Variants in CDH12 observed in about 807,000 individuals in gnomAD.
CDH12 encodes cadherin-12.
In CDH12, 41 loss-of-function variants were observed where a neutral mutation model predicts 74.1. The observed-to-expected ratio is 0.55, with a 90% confidence interval of 0.43 to 0.72. CDH12 has a LOEUF of 0.72. Among genes scored for constraint, CDH12 ranks in the 30% least tolerant of loss-of-function variants. The pLI is 0.00. For synonymous variants in CDH12, 399 were observed against 355.0 expected (o/e 1.12, Z -1.39); for missense variants, 945 against 977.2 (o/e 0.97, Z 0.44).
chr5:21,816,459 TA>T (rs1187881180), intron 9 of CDH12, among the ~76,000 whole-genome samples: 2 of 150,866 alleles, frequency 1.3e-5, no homozygotes, highest in African/African-American at 2.4e-5. Flanking sequence ...ATCCCTTCTC[TA>T]CTAAAAATAC....
chr5:22,620,767 T>C (rs982403045), intron 1 of CDH12, among the ~76,000 whole-genome samples: 2 of 152,144 alleles, frequency 1.3e-5, no homozygotes, highest in African/African-American at 4.8e-5. Context: ...ATGTCATTCA[T>C]TTGGACATTA....
At chr5:22,670,175 T>C (rs187758643) in intron 1 of CDH12, among the ~76,000 whole-genome samples, 7 of 152,088 alleles carry the variant, frequency 4.6e-5, no homozygotes, top group African/African-American at 1.4e-4. Context: ...CAGCTTTTTG[T>C]TTATTTGTTT....
chr5:21,894,315 T>C (rs539764988), intron 6 of CDH12, among the ~76,000 whole-genome samples: 3 of 148,890 alleles, frequency 2.0e-5, no homozygotes, highest in East Asian at 2.0e-4. Context: ...GGAGGCGGAG[T>C]TTGCAGTAAG....
intron 3 of CDH12, among the ~76,000 whole-genome samples, chr5:22,358,135 G>T (rs1031010338): frequency 6.6e-6 from 1 of 152,112 alleles, no homozygotes; most frequent in African/African-American, 2.4e-5. Context: ...CAGGTCGGCC[G>T]TGGTGGCTCA....
chr5:22,415,653 G>T (rs1001114715), intron 2 of CDH12, among the ~76,000 whole-genome samples: 1 of 152,136 alleles, frequency 6.6e-6, no homozygotes, highest in Non-Finnish European at 1.5e-5. Flanking sequence ...GAGAGGCAGC[G>T]GGCCCCAGAA....
chr5:22,449,030 G>A (rs988600782), intron 2 of CDH12, among the ~76,000 whole-genome samples: 15 of 151,626 alleles, frequency 9.9e-5, no homozygotes, highest in Non-Finnish European at 1.9e-4. Context: ...CAATAAAGAG[G>A]AAAGGGAACA....
intron 3 of CDH12, among the ~76,000 whole-genome samples, chr5:22,367,947 T>C (rs1037604358): frequency 2.6e-5 from 4 of 152,124 alleles, no homozygotes; most frequent in African/African-American, 4.8e-5. Context: ...ATAAACTATA[T>C]ACATTGAGGT....
intron 13 of CDH12, among the ~76,000 whole-genome samples, chr5:21,757,443 G>A (rs1744464682): frequency 6.6e-6 from 1 of 152,050 alleles, no homozygotes; most frequent in Non-Finnish European, 1.5e-5. Flanking sequence ...CCCAAAGTGA[G>A]CCACCGCACC....
At chr5:21,894,454 T>C (rs1010473454) in intron 6 of CDH12, among the ~76,000 whole-genome samples, 4 of 151,736 alleles carry the variant, frequency 2.6e-5, no homozygotes, top group South Asian at 4.2e-4. Flanking sequence ...ACTGATTTGA[T>C]TACAAATATA....
intron 6 of CDH12, among the ~76,000 whole-genome samples, chr5:21,936,643 A>G (rs1340418931): frequency 1.3e-5 from 2 of 152,192 alleles, no homozygotes; most frequent in African/African-American, 4.8e-5. Context: ...CGTTGTAAGG[A>G]AAATCTTGGC....
Position 22,696,370 on chromosome 5 carries a change from C to CAAA in CDH12, c.-523+156685_-523+156687dup, listed in dbSNP as rs1313736569. Among the ~76,000 whole-genome samples, 674 of 96,302 alleles carry CAAA rather than the reference C, an allele frequency of 7.0e-3. 10 individuals are homozygous for CAAA. Among genetic ancestry groups the CAAA allele is most frequent in the Middle Eastern group, 0.026 (4 of 152 alleles). 63.2% of individuals were successfully genotyped at this position (96,302 alleles called of 152,430 possible). A position where few individuals can be genotyped will look rare whatever the true frequency, so the allele number is the denominator to read the frequency against. On this transcript the variant is annotated intron_variant, in intron 1 of 14. Coordinates refer to ENST00000382254, the MANE Select transcript of CDH12 (RefSeq NM_004061.5). The stretch of plus-strand genomic sequence containing the variant: ...TGGGCGACAGAGTGAGACTCCGTCT[C>CAAA]AAAAAAAAAAAAAAAAAAAAATTTT...
At chr5:22,757,484 T>G (rs928401839) in intron 1 of CDH12, among the ~76,000 whole-genome samples, 11 of 152,298 alleles carry the variant, frequency 7.2e-5, no homozygotes, top group Non-Finnish European at 2.9e-5. Context: ...TAGTATAAAA[T>G]GGTATATGGG....
At chr5:22,742,392 C>A (rs1745074040) in intron 1 of CDH12, among the ~76,000 whole-genome samples, 1 of 151,960 alleles carries the variant, frequency 6.6e-6, no homozygotes, top group African/African-American at 2.4e-5. Context: ...AGCAATAAGA[C>A]AAAAAAGCGA....
intron 3 of CDH12, among the ~76,000 whole-genome samples, chr5:22,225,727 G>A (rs1329730431): frequency 6.6e-6 from 1 of 152,012 alleles, no homozygotes; most frequent in Non-Finnish European, 1.5e-5. Context: ...AAAAACAACA[G>A]ATTCACCTTA....
chr5:22,773,977 C>G (rs1174234972), intron 1 of CDH12, among the ~76,000 whole-genome samples: 1 of 151,884 alleles, frequency 6.6e-6, no homozygotes, highest in African/African-American at 2.4e-5. Context: ...ATTAAAATGT[C>G]AAAAAACAAC....
chr5:22,143,362 A>G (rs1386111815), intron 4 of CDH12: 2 of 145,972 alleles, frequency 1.4e-5, no homozygotes, highest in African/African-American at 5.3e-5. Flanking sequence ...CAAATGTATA[A>G]TATTCCTTTT....
intron 1 of CDH12, among the ~76,000 whole-genome samples, chr5:22,777,915 G>A (rs1747186919): frequency 6.6e-6 from 1 of 152,000 alleles, no homozygotes; most frequent in African/African-American, 2.4e-5. Flanking sequence ...CTGGGTTCAA[G>A]CAATTCTCCT....
At chr5:22,174,038 G>A (rs777543483) in intron 4 of CDH12, among the ~76,000 whole-genome samples, 4 of 151,854 alleles carry the variant, frequency 2.6e-5, no homozygotes, top group Non-Finnish European at 4.4e-5. Context: ...GATTTGTAAC[G>A]CATGCAATGC....
intron 1 of CDH12, among the ~76,000 whole-genome samples, chr5:22,687,851 T>C (rs956721185): frequency 6.6e-6 from 1 of 152,242 alleles, no homozygotes; most frequent in Non-Finnish European, 1.5e-5. Flanking sequence ...TGTTGATTTA[T>C]TAACAACTAT....
Sources: gnomAD v4.1 joint callset for allele counts (sites outside exome capture counted in the v4.1 genomes callset) on GRCh38, gnomAD v4.1.1 for gene constraint, MANE v1.5 for transcripts, NCBI Gene and HGNC (gene_info 2026-07-23, HGNC 2026-07-21) for gene names.